The following USH2A variants were observed in gnomAD, a reference collection of about 807,000 sequenced individuals.
USH2A encodes Usher syndrome 2A (autosomal recessive, mild).
A neutral mutation model predicts 538.9 loss-of-function variants in USH2A; 443 were observed. That is an observed-to-expected ratio of 0.82 (90% CI 0.76 to 0.89). The LOEUF (loss-of-function observed/expected upper bound fraction) is 0.89, where lower values mean the gene tolerates loss of function less well. Among genes scored for constraint, USH2A ranks in the 40% least tolerant of loss-of-function variants. The pLI is 0.00. For missense variants in USH2A, 6,633 were observed against 6,324.8 expected (o/e 1.05, Z -1.65); for synonymous variants, 2,413 against 2,273.5 (o/e 1.06, Z -1.75).
intron 3 of USH2A, among the ~76,000 whole-genome samples, chr1:216,397,146 T>C (rs1443502226): frequency 3.9e-5 from 6 of 152,246 alleles, no homozygotes; most frequent in Admixed American, 3.9e-4. Context: ...ATTTTATTCA[T>C]ATCCAGTGTG....
chr1:216,377,715 G>GAGCAGGGGA (rs1558061513), intron 3 of USH2A, among the ~76,000 whole-genome samples: 11 of 147,832 alleles, frequency 7.4e-5, no homozygotes, highest in African/African-American at 2.5e-4. Context: ...GAGCAGGGGA[G>GAGCAGGGGA]GGGGGAAGAG....
At chr1:215,925,435 G>T (rs977167582) in intron 38 of USH2A, among the ~76,000 whole-genome samples, 19 of 152,138 alleles carry the variant, frequency 1.2e-4, no homozygotes, top group Non-Finnish European at 2.1e-4. Context: ...ATACACAGAA[G>T]TAAAACATTA....
chr1:215,791,033 C>T (rs1002861538), intron 50 of USH2A, among the ~76,000 whole-genome samples: 10 of 152,100 alleles, frequency 6.6e-5, no homozygotes, highest in Admixed American at 2.6e-4. Context: ...GAAAGACACA[C>T]GTACCTGAGA....
intron 14 of USH2A, among the ~76,000 whole-genome samples, chr1:216,223,798 A>G (rs557556878): frequency 1.3e-5 from 2 of 152,322 alleles, no homozygotes; most frequent in East Asian, 3.9e-4. Flanking sequence ...CAAGGAAGTT[A>G]TCTGCTTTCA....
intron 38 of USH2A, among the ~76,000 whole-genome samples, chr1:215,905,322 G>T (rs1665612149): frequency 6.6e-6 from 1 of 151,996 alleles, no homozygotes; most frequent in Non-Finnish European, 1.5e-5. Context: ...GCCTGTGTGT[G>T]TGCATTTCAA....
At chr1:216,290,391 C>T (rs2102607970) in intron 10 of USH2A, among the ~76,000 whole-genome samples, 1 of 152,194 alleles carries the variant, frequency 6.6e-6, no homozygotes, top group East Asian at 1.9e-4. Flanking sequence ...ATCTCCAATC[C>T]AGAAATCTCT....
At position 215,934,659 on chromosome 1, in the gene USH2A, G is replaced by A. The variant is rs752602824; in HGVS notation, c.7257C>T (p.Gly2419=). The change falls in exon 38 of 72, where the codon GGC becomes GGT. Residue 2419 remains glycine, a synonymous_variant. Transcript: ENST00000307340. Reference sequence around the variant, plus strand: ...TTGTTATAGGATCAGTTATCAAGCTGCCTTGGCTATTTGAAATATTCACTT... The same window carrying A: ...TTGTTATAGGATCAGTTATCAAGCTACCTTGGCTATTTGAAATATTCACTT... ...TVQVNISNSQ[G]SLITDPITIA... The A allele has an allele frequency of 1.2e-6, 2 of 1,612,646 alleles. No homozygotes were observed. Among genetic ancestry groups the A allele is most frequent in the Non-Finnish European group, 1.7e-6 (2 of 1,179,030 alleles).
chr1:216,183,818 C>T (rs552944588), intron 20 of USH2A, among the ~76,000 whole-genome samples: 3 of 151,964 alleles, frequency 2.0e-5, no homozygotes, highest in Non-Finnish European at 4.4e-5. Context: ...TGCAAATGAA[C>T]TCCTAAATGT....
Position 215,675,456 on chromosome 1 carries a change from T to C in USH2A, c.12455A>G (p.Glu4152Gly), listed in dbSNP as rs768614804. The C allele has an allele frequency of 4.8e-5, 78 of 1,613,892 alleles. No individual in the cohort carries two copies. The highest frequency in any genetic ancestry group is 6.5e-5 in the Non-Finnish European group (77 of 1,179,926). ...HSAPQPLWTD[E>G]APPDSQLAPT... ...AGCCAGCTGAGAGTCTGGAGGGGCT[T>C]CATCTGTCCACAGAGGCTGAGGCGC... The change falls in exon 63 of 72, where the codon GAA becomes GGA. Residue 4152 changes from glutamate (E) to glycine (G), a missense_variant. Transcript: ENST00000307340.
chr1:216,148,095 G>C (rs2033750250), intron 21 of USH2A, among the ~76,000 whole-genome samples: 1 of 151,844 alleles, frequency 6.6e-6, no homozygotes. Flanking sequence ...ACAATGGAAG[G>C]TAAGCCCGTC....
chr1:216,102,985 T>C (rs930242253), intron 21 of USH2A, among the ~76,000 whole-genome samples: 2 of 152,170 alleles, frequency 1.3e-5, no homozygotes, highest in African/African-American at 4.8e-5. Flanking sequence ...CACTCAACTG[T>C]ACAAACAACA....
At chr1:216,295,084 A>G (rs150581780) in intron 9 of USH2A, among the ~76,000 whole-genome samples, 1 of 151,896 alleles carries the variant, frequency 6.6e-6, no homozygotes, top group Non-Finnish European at 1.5e-5. Flanking sequence ...CTTTTTACTC[A>G]TTTTAATGAA....
intron 38 of USH2A, among the ~76,000 whole-genome samples, chr1:215,907,329 G>A (rs936040921): frequency 1.1e-4 from 17 of 151,944 alleles, no homozygotes; most frequent in Admixed American, 7.9e-4. Flanking sequence ...GCAAGCCTCT[G>A]GTACCATTCG....
chr1:216,201,278 C>T (rs1395091733), intron 16 of USH2A, among the ~76,000 whole-genome samples: 4 of 150,476 alleles, frequency 2.7e-5, no homozygotes, highest in African/African-American at 4.9e-5. Context: ...GATAACCCAT[C>T]GTGTAAACCT....
At chr1:215,823,847 A>G (rs370616734) in intron 47 of USH2A, among the ~76,000 whole-genome samples, 17 of 152,040 alleles carry the variant, frequency 1.1e-4, no homozygotes, top group African/African-American at 3.9e-4. Flanking sequence ...ACTTCAGCAG[A>G]TGTATTTCTC....
At chr1:215,908,170 G>C (rs957867215) in intron 38 of USH2A, among the ~76,000 whole-genome samples, 1 of 151,808 alleles carries the variant, frequency 6.6e-6, no homozygotes, top group South Asian at 2.1e-4. Context: ...ATAGTAGATA[G>C]AAACCTGTGG....
At chr1:215,759,539 C>T (rs1660916672) in intron 57 of USH2A, 121 bp downstream of exon 57, 3 of 1,205,330 alleles carry the variant, frequency 2.5e-6, no homozygotes, top group South Asian at 2.6e-5. Context: ...TATTGAATGG[C>T]CAATGAATGA....
intron 47 of USH2A, among the ~76,000 whole-genome samples, chr1:215,835,659 T>G (rs1663457846): frequency 6.6e-6 from 1 of 152,152 alleles, no homozygotes; most frequent in African/African-American, 2.4e-5. Context: ...CCCCATGATT[T>G]CAGCTTTAAA....
intron 3 of USH2A, among the ~76,000 whole-genome samples, chr1:216,384,499 C>T (rs2038973264): frequency 6.6e-6 from 1 of 152,124 alleles, no homozygotes; most frequent in Non-Finnish European, 1.5e-5. Flanking sequence ...CACTCTGATT[C>T]TCTTTCGGTA....
Sources: gnomAD v4.1 joint callset for allele counts (sites outside exome capture counted in the v4.1 genomes callset) on GRCh38, gnomAD v4.1.1 for gene constraint, MANE v1.5 for transcripts, NCBI Gene and HGNC (gene_info 2026-07-23, HGNC 2026-07-21) for gene names.